The following DCHS2 variants were observed in gnomAD, a reference collection of about 807,000 sequenced individuals.
The protein encoded by DCHS2 is dachsous cadherin-related 2.
A neutral mutation model predicts 182.4 loss-of-function variants in DCHS2; 142 were observed. The observed-to-expected ratio is 0.78, with a 90% CI of 0.68 to 0.89. The LOEUF (loss-of-function observed/expected upper bound fraction) is 0.89. Ranked by LOEUF, DCHS2 falls within the 40% of genes least tolerant of loss-of-function variation. DCHS2 has a pLI of 0.00. For missense variants in DCHS2, 4,319 were observed against 4,198.6 expected (o/e 1.03, Z -0.79); for synonymous variants, 1,740 against 1,663.3 (o/e 1.05, Z -1.12).
chr4:154,384,072 C>G (rs1273325604), intron 1 of DCHS2, among the ~76,000 whole-genome samples: 1 of 152,014 alleles, frequency 6.6e-6, no homozygotes, highest in East Asian at 1.9e-4. Context: ...CATTAAATAA[C>G]GTTTTACATT....
rs1731569685 is a variant in DCHS2, at chr4:154,237,154, T to C, written c.7498A>G (p.Ile2500Val). The C allele has an allele frequency of 6.2e-7, 1 of 1,604,768 alleles. No homozygotes were observed. The highest frequency in any genetic ancestry group is 8.5e-7 in the Non-Finnish European group (1 of 1,176,794). The change falls in exon 20 of 20, where the codon ATA (isoleucine) becomes GTA (valine). Residue 2500 changes from isoleucine to valine, a missense_variant. Transcript: ENST00000357232. ...EFSIDPKNGT[I>V]FTISPVLLLD... Reference sequence around the variant, plus strand: ...AGTAATACGGGACTGATAGTAAATATTGTGCCTGAAAAATAAGACATAGTA... The same window carrying C: ...AGTAATACGGGACTGATAGTAAATACTGTGCCTGAAAAATAAGACATAGTA...
At chr4:154,413,272 T>C (rs963520284) in intron 1 of DCHS2, among the ~76,000 whole-genome samples, 2 of 152,194 alleles carry the variant, frequency 1.3e-5, no homozygotes, top group African/African-American at 4.8e-5. Flanking sequence ...CTCCATTAAA[T>C]GTTTCCTCTT....
intron 12 of DCHS2, among the ~76,000 whole-genome samples, chr4:154,300,069 C>T (rs1469389386): frequency 2.0e-5 from 3 of 152,074 alleles, no homozygotes; most frequent in Non-Finnish European, 4.4e-5. Context: ...GGAGAGTGTT[C>T]TATGCAGAGG....
rs375316348 is a variant in DCHS2, at chr4:154,320,528, G to C, written c.4871C>G (p.Pro1624Arg). ...GACATCCTCTTTGACATGGGCATTG[G>C]GGAAAGAAATAAAAGTGGGGTTGTG... ...NDHNPTFISFPNAHVKEDVTV... is the reference protein window; with the variant it reads ...NDHNPTFISFRNAHVKEDVTV... The change falls in exon 9 of 20, where the codon CCC (proline) becomes CGC (arginine). Residue 1624 changes from proline to arginine, a missense_variant. Transcript: ENST00000357232. 1.9e-6 allele frequency: 3 copies of C among 1,613,902 alleles called. No individual in the cohort carries two copies. Among genetic ancestry groups the C allele is most frequent in the Non-Finnish European group, 2.5e-6 (3 of 1,179,988 alleles).
Position 154,419,603 on chromosome 4 carries a change from T to C in DCHS2, c.2053-42159A>G, listed in dbSNP as rs1201859841. 8.9e-5 allele frequency among the ~76,000 whole-genome samples: 10 copies of C among 111,998 alleles called. No homozygotes were observed. In the Admixed American group the frequency reaches 1.1e-3, roughly 12 times the overall value. 73.5% of individuals were successfully genotyped at this position (111,998 alleles called of 152,430 possible). A position where few individuals can be genotyped will look rare whatever the true frequency, so the allele number is the denominator to read the frequency against. The stretch of plus-strand genomic sequence containing the variant: ...AGGCGGAGGTTGCAGTGAGCCGAGA[T>C]CACACCATTGCATTCCAGCCTGGGC... On this transcript the variant is annotated intron_variant, in intron 1 of 19. Coordinates refer to ENST00000357232, the MANE Select transcript of DCHS2 (RefSeq NM_001358235.2).
rs1158282144 is a variant in DCHS2 at position 154,298,199 on chromosome 4, C to T, written c.6115G>A (p.Glu2039Lys). 6.2e-7 allele frequency: 1 copy of T among 1,614,098 alleles called. No individual in the cohort carries two copies. Among genetic ancestry groups the T allele is most frequent in the Non-Finnish European group, 8.5e-7 (1 of 1,180,000 alleles). The change falls in exon 13 of 20, where the codon GAA (glutamate) becomes AAA (lysine). Residue 2039 changes from glutamate (E) to lysine (K), a missense_variant. By Grantham distance (56) the Glu-to-Lys change is moderately conservative. Transcript: ENST00000357232. Reference protein sequence around the residue: ...TDVNDNDPVLEQNPFDVFLSP... With the variant: ...TDVNDNDPVLKQNPFDVFLSP... ...AGAAACACATCAAAAGGGTTCTGTT[C>T]CAAAACTGGATCATTGTCATTAACA...
At chr4:154,442,559 A>C (rs1399776403) in intron 1 of DCHS2, among the ~76,000 whole-genome samples, 10 of 89,034 alleles carry the variant, frequency 1.1e-4, no homozygotes, top group Admixed American at 7.7e-4. Context: ...ACACACACAC[A>C]CACCAGGACA....
chr4:154,379,233 C>T (rs1213868836), intron 1 of DCHS2, among the ~76,000 whole-genome samples: 5 of 152,156 alleles, frequency 3.3e-5, no homozygotes, highest in Non-Finnish European at 7.4e-5. Context: ...CATGCAAGGT[C>T]CCCAAAGTCA....
chr4:154,249,420 A>C (rs1479220152), intron 16 of DCHS2, among the ~76,000 whole-genome samples: 2 of 152,168 alleles, frequency 1.3e-5, no homozygotes, highest in Non-Finnish European at 1.5e-5. Flanking sequence ...AAGTCAAAAA[A>C]CAAAGATGCT....
At position 154,328,123 on chromosome 4, in the gene DCHS2, T is replaced by C. The variant is rs1293327185; in HGVS notation, c.3988A>G (p.Asn1330Asp). 1.9e-6 allele frequency: 3 copies of C among 1,608,674 alleles called. No individual in the cohort carries two copies. Among genetic ancestry groups the C allele is most frequent in the Non-Finnish European group, 2.5e-6 (3 of 1,177,574 alleles). The change falls in exon 7 of 20, where the codon AAT becomes GAT. Residue 1330 changes from asparagine (N) to aspartate (D), a missense_variant. Physicochemically the swap from Asn to Asp is conservative, Grantham distance 23. Transcript: ENST00000357232. Reference protein sequence around the residue: ...VFAKDPDEGNNAEVTYSVSSE... With the variant: ...VFAKDPDEGNDAEVTYSVSSE... ...GATACTGAGTATGTAACTTCTGCAT[T>C]ATTTCCTTCATCAGGATCCTTTGCA...
At position 154,333,229 on chromosome 4, in the gene DCHS2, G is replaced by A. The variant is rs369715026; in HGVS notation, c.2979C>T (p.Pro993=). 2 of 1,614,110 alleles carry A rather than the reference G, an allele frequency of 1.2e-6. No individual in the cohort carries two copies. Among genetic ancestry groups the A allele is most frequent in the East Asian group, 2.2e-5 (1 of 44,886 alleles). Residue 993 remains proline, a synonymous_variant, in exon 5 of 20, where the codon CCC becomes CCT. Transcript: ENST00000357232. The stretch of plus-strand genomic sequence containing the variant: ...GTGCGAGGTACAAGGCTGTGCCAGG[G>A]GGCGTGGTCTGGGATATTCTAATCT... ...SDEIRISQTT[P]PGTALYLARA...
At chr4:154,475,643 C>T (rs964844727) in intron 1 of DCHS2, among the ~76,000 whole-genome samples, 1 of 152,136 alleles carries the variant, frequency 6.6e-6, no homozygotes, top group Non-Finnish European at 1.5e-5. Flanking sequence ...ATGCTATTTA[C>T]CTTTATGTAG....
intron 3 of DCHS2, among the ~76,000 whole-genome samples, chr4:154,363,299 T>C (rs1260779107): frequency 6.6e-6 from 1 of 152,186 alleles, no homozygotes; most frequent in Non-Finnish European, 1.5e-5. Flanking sequence ...ATAGCCAAGA[T>C]ATAGAATCAA....
chr4:154,415,591 G>A (rs940506310), intron 1 of DCHS2, among the ~76,000 whole-genome samples: 7 of 152,200 alleles, frequency 4.6e-5, no homozygotes, highest in African/African-American at 1.7e-4. Flanking sequence ...TTCCGGTACT[G>A]GGGGAAAGAC....
chr4:154,382,115 C>A (rs1731197058), intron 1 of DCHS2, among the ~76,000 whole-genome samples: 1 of 151,952 alleles, frequency 6.6e-6, no homozygotes, highest in African/African-American at 2.4e-5. Flanking sequence ...GAAGAGAGAA[C>A]CCAGAAATAA....
At chr4:154,239,061 C>T (rs554022249) in intron 19 of DCHS2, 109 bp downstream of exon 19, 51 of 1,377,460 alleles carry the variant, frequency 3.7e-5, no homozygotes, top group Middle Eastern at 2.7e-4. Flanking sequence ...TAATTCCATG[C>T]GGGGTGGGGA....
chr4:154,274,856 C>T (rs927426998), intron 13 of DCHS2, among the ~76,000 whole-genome samples: 1 of 151,434 alleles, frequency 6.6e-6, no homozygotes, highest in Non-Finnish European at 1.5e-5. Context: ...GCTATAATAC[C>T]ATATCTGATA....
intron 1 of DCHS2, among the ~76,000 whole-genome samples, chr4:154,394,330 G>A (rs1397184709): frequency 6.6e-6 from 1 of 152,184 alleles, no homozygotes; most frequent in Non-Finnish European, 1.5e-5. Context: ...ATTACAGCTG[G>A]TCATTAGGCA....
chr4:154,333,733 A>T, intron 4 of DCHS2: 1 of 541,202 alleles, frequency 1.8e-6, no homozygotes, highest in Non-Finnish European at 3.3e-6. Context: ...AAGTGCAGTA[A>T]TATGCTGTGC....
Sources: allele counts gnomAD v4.1 joint callset (sites outside exome capture counted in the v4.1 genomes callset), GRCh38; gene constraint gnomAD v4.1.1; transcripts MANE v1.5; gene names NCBI Gene and HGNC (gene_info 2026-07-23, HGNC 2026-07-21).